PTPRM: variants seen among roughly 807,000 people sequenced by gnomAD.
The protein encoded by PTPRM is protein tyrosine phosphatase receptor type M.
Under a neutral mutation model 186.7 loss-of-function variants are expected in PTPRM, and 47 were observed. That is an observed-to-expected ratio of 0.25 (90% CI 0.20 to 0.32). The LOEUF (loss-of-function observed/expected upper bound fraction) is 0.32. Ranked by LOEUF, PTPRM falls within the 10% of genes least tolerant of loss-of-function variation. The pLI, the probability that PTPRM is intolerant of heterozygous loss-of-function variation, is 1.00. For missense variants in PTPRM, 1,494 were observed against 1,865.0 expected, an observed-to-expected ratio of 0.80 and a Z score of 3.66; for synonymous variants, 668 against 674.9, an observed-to-expected ratio of 0.99 and a Z score of 0.16.
chr18:8,247,936 T>C lies in PTPRM; in HGVS notation c.2527+17T>C, dbSNP rs2094493077. The C allele has an allele frequency of 1.3e-6, 2 of 1,544,448 alleles. No individual in the cohort carries two copies. Among genetic ancestry groups the C allele is most frequent in the South Asian group, 2.2e-5 (2 of 89,638 alleles). On this transcript the variant is annotated intron_variant, in intron 16 of 32. Transcript: ENST00000580170. ...ATTACCCAGGTAACAGTTTTTTCCA[T>C]TGTCTCCTCTCTGCTCTCTCCTCAG...
At chr18:7,924,313 T>C (rs2051044271) in intron 4 of PTPRM, among the ~76,000 whole-genome samples, 1 of 152,038 alleles carries the variant, frequency 6.6e-6, no homozygotes, top group South Asian at 2.1e-4. Context: ...CATTGGGGAA[T>C]TTTTTTTAAT....
intron 19 of PTPRM, among the ~76,000 whole-genome samples, chr18:8,294,384 C>T (rs1568684430): frequency 1.3e-5 from 2 of 152,166 alleles, no homozygotes; most frequent in Admixed American, 6.5e-5. Flanking sequence ...GAAGCAAACA[C>T]GTCCTTCTTC....
At chr18:7,750,624 C>A (rs115165942) in intron 1 of PTPRM, among the ~76,000 whole-genome samples, 2,375 of 152,270 alleles carry the variant, frequency 0.016, 58 homozygotes, top group African/African-American at 0.054. Flanking sequence ...ATGCCATGCC[C>A]CTACCTTATC....
chr18:7,977,119 C>T (rs568249065), intron 7 of PTPRM, among the ~76,000 whole-genome samples: 2 of 152,078 alleles, frequency 1.3e-5, no homozygotes, highest in South Asian at 4.2e-4. Flanking sequence ...GACAGAGTTT[C>T]GCCCTTTTTG....
intron 9 of PTPRM, among the ~76,000 whole-genome samples, chr18:8,083,583 GT>G (rs1299719301): frequency 6.6e-6 from 1 of 152,044 alleles, no homozygotes; most frequent in African/African-American, 2.4e-5. Context: ...GGAACTTGGT[GT>G]TTTGAAAGTA....
intron 13 of PTPRM, among the ~76,000 whole-genome samples, chr18:8,124,291 A>G (rs1296607459): frequency 6.6e-6 from 1 of 152,186 alleles, no homozygotes; most frequent in Admixed American, 6.5e-5. Context: ...GGTTAGTCTT[A>G]CCCAGATAAA....
chr18:7,900,801 A>G (rs1478219576), intron 3 of PTPRM, among the ~76,000 whole-genome samples: 1 of 152,248 alleles, frequency 6.6e-6, no homozygotes, highest in African/African-American at 2.4e-5. Context: ...ATTAGATAAT[A>G]TATGCAAAGG....
intron 1 of PTPRM, among the ~76,000 whole-genome samples, chr18:7,722,050 A>G (rs550517200): frequency 1.3e-5 from 2 of 152,216 alleles, no homozygotes; most frequent in Non-Finnish European, 2.9e-5. Flanking sequence ...TGTATTGTAT[A>G]TGCTATGGGG....
At chr18:7,988,216 T>C (rs2083074285) in intron 7 of PTPRM, among the ~76,000 whole-genome samples, 1 of 151,778 alleles carries the variant, frequency 6.6e-6, no homozygotes, top group Non-Finnish European at 1.5e-5. Context: ...GAGCTAGACC[T>C]TATCTCAAAA....
At chr18:8,125,967 G>GTGT (rs1438762617) in intron 13 of PTPRM, among the ~76,000 whole-genome samples, 2 of 121,232 alleles carry the variant, frequency 1.6e-5, no homozygotes, top group East Asian at 5.1e-4. Flanking sequence ...TGCTATATGT[G>GTGT]TGTGTATACA....
At chr18:8,402,166 A>G (rs1242295552) in intron 32 of PTPRM, among the ~76,000 whole-genome samples, 1 of 152,240 alleles carries the variant, frequency 6.6e-6, no homozygotes, top group Non-Finnish European at 1.5e-5. Context: ...AAATGTAATC[A>G]GTTTCCAATG....
chr18:8,014,486 T>C (rs1347720947), intron 7 of PTPRM, among the ~76,000 whole-genome samples: 1 of 152,186 alleles, frequency 6.6e-6, no homozygotes, highest in Non-Finnish European at 1.5e-5. Context: ...ACTCACACAC[T>C]GAAGGAAAAA....
chr18:7,857,417 G>A (rs1327741968), intron 2 of PTPRM, among the ~76,000 whole-genome samples: 1 of 152,120 alleles, frequency 6.6e-6, no homozygotes, highest in Non-Finnish European at 1.5e-5. Flanking sequence ...GATACAGCTG[G>A]GATGCTGGCT....
rs539829987 is a variant in PTPRM, at chr18:8,145,314, C to T, written c.2300+1535C>T. Among the ~76,000 whole-genome samples the T allele has an allele frequency of 2.2e-4, 34 of 152,206 alleles. No individual in the cohort carries two copies. The South Asian group carries it at 6.8e-3, about 31-fold the overall frequency. ...ACTAAAAATGGAGAGTTCAGCTTTG[C>T]ACATTTTTTTTCTTTTTCTTTATTA... On this transcript the variant is annotated intron_variant, in intron 14 of 32. Transcript: ENST00000580170.
chr18:7,947,327 T>G (rs987151399), intron 5 of PTPRM, among the ~76,000 whole-genome samples: 10 of 152,132 alleles, frequency 6.6e-5, no homozygotes, highest in African/African-American at 2.4e-4. Flanking sequence ...TGAGGCTCTA[T>G]GAAGGTTAAC....
At chr18:8,078,077 G>C (rs1398124808) in intron 9 of PTPRM, among the ~76,000 whole-genome samples, 1 of 152,196 alleles carries the variant, frequency 6.6e-6, no homozygotes. Context: ...GTTCAGTTTT[G>C]TAGGGACCAA....
intron 7 of PTPRM, among the ~76,000 whole-genome samples, chr18:7,960,729 T>G (rs8093406): frequency 0.36 from 54,295 of 151,588 alleles, 11,124 homozygotes; most frequent in African/African-American, 0.57. Flanking sequence ...CTGCACTCCA[T>G]CATCGACAGA....
chr18:8,327,288 G>C (rs2095383384), intron 22 of PTPRM, among the ~76,000 whole-genome samples: 2 of 152,170 alleles, frequency 1.3e-5, no homozygotes, highest in Non-Finnish European at 2.9e-5. Context: ...AAAGACCACA[G>C]AAACTGATAT....
At chr18:8,092,320 T>C (rs114369495) in intron 11 of PTPRM, among the ~76,000 whole-genome samples, 3,402 of 152,292 alleles carry the variant, frequency 0.022, 53 homozygotes, top group African/African-American at 0.047. Context: ...GCCAGTAAAC[T>C]AGCATGTAGG....
Sources: allele counts gnomAD v4.1 joint callset (sites outside exome capture counted in the v4.1 genomes callset), GRCh38; gene constraint gnomAD v4.1.1; transcripts MANE v1.5; gene names NCBI Gene and HGNC (gene_info 2026-07-23, HGNC 2026-07-21).